GJB1: variants seen among roughly 807,000 people sequenced by gnomAD.
GJB1 encodes gap junction beta-1 protein.
In GJB1, 1 loss-of-function variant was observed where a neutral mutation model predicts 12.0. That is an observed-to-expected ratio of 0.08 (90% CI 0.03 to 0.40). The LOEUF (loss-of-function observed/expected upper bound fraction) is 0.40. GJB1 is among the 10% of genes least tolerant of loss of function. GJB1 has a pLI of 0.98. For missense variants in GJB1, 140 were observed against 250.3 expected, an observed-to-expected ratio of 0.56 and a Z score of 2.97; for synonymous variants, 114 against 102.8, an observed-to-expected ratio of 1.11 and a Z score of -0.66.
At chrX:71,223,626 G>A (rs2147944672) in intron 1 of GJB1, 66 bp from the exon 2 acceptor site, 6 of 1,073,386 alleles carry the variant, frequency 5.6e-6, no homozygotes, top group Non-Finnish European at 6.4e-6. Flanking sequence ...TGCGCAGGCA[G>A]TGCTATGGCG....
intron 1 of GJB1, among the ~76,000 whole-genome samples, chrX:71,216,639 C>T (rs1332978925): frequency 9.1e-6 from 1 of 109,997 alleles, no homozygotes; most frequent in Non-Finnish European, 1.9e-5. Context: ...GGGAAGGGAG[C>T]TGGCATAAGC....
rs780427727 is a variant in GJB1 at position 71,224,530 on chromosome X, G to C, written c.823G>C (p.Glu275Gln). ...RSPGTGAGLA[E>Q]KSDRCSAC ...CCCTGGCACCGGGGCTGGGCTGGCTGAAAAGAGCGACCGCTGCTCGGCCTG... is the reference window on the plus strand; with the variant it reads ...CCCTGGCACCGGGGCTGGGCTGGCTCAAAAGAGCGACCGCTGCTCGGCCTG... Residue 275 changes from glutamate to glutamine, a missense_variant, in exon 2 of 2, where the codon GAA becomes CAA. Coordinates refer to ENST00000361726, the MANE Select transcript of GJB1 (RefSeq NM_000166.6). 2.5e-6 allele frequency: 3 copies of C among 1,192,082 alleles called. No individual in the cohort carries two copies. Among genetic ancestry groups the C allele is most frequent in the South Asian group, 3.7e-5 (2 of 54,491 alleles).
chrX:71,223,402 G>A (rs2092541284), intron 1 of GJB1, 67 bp downstream of exon 1: 1 of 388,654 alleles, frequency 2.6e-6, no homozygotes, highest in African/African-American at 2.6e-5. Context: ...GGAGCCATAG[G>A]GGATGGCTGA....
At chrX:71,220,511 TGTTC>T (rs767963698), upstream of GJB1, among the ~76,000 whole-genome samples, 2 of 96,841 alleles carry the variant, frequency 2.1e-5, no homozygotes, top group East Asian at 6.9e-4. Context: ...TTTGTTTGTT[TGTTC>T]GTCTTTTCCG....
Position 71,224,750 on chromosome X carries a change from C to A in GJB1, c.*191C>A. 1 of 475,261 alleles carries A rather than the reference C, an allele frequency of 2.1e-6. No individual in the cohort carries two copies. The highest frequency in any genetic ancestry group is 3.8e-6 in the Non-Finnish European group (1 of 265,983). 39.2% of individuals were successfully genotyped at this position (475,261 alleles called of 1,213,427 possible). A position where few individuals can be genotyped will look rare whatever the true frequency, so the allele number is the denominator to read the frequency against. ...GGAGGGGTGGGGAGCTAGAGGCCACCTATGCCAGTGCTCAAGGTTACTGGG... is the reference window on the plus strand; with the variant it reads ...GGAGGGGTGGGGAGCTAGAGGCCACATATGCCAGTGCTCAAGGTTACTGGG... On this transcript the variant is annotated 3_prime_UTR_variant, in exon 2 of 2. Transcript: ENST00000361726.
At chrX:71,218,779 A>C (rs41413544), upstream of GJB1, among the ~76,000 whole-genome samples, 1 of 101,335 alleles carries the variant, frequency 9.9e-6, no homozygotes, top group African/African-American at 3.7e-5. Flanking sequence ...CCAGCTACTC[A>C]AGAGTCTGAG....
rs1299325261 is a variant in GJB1 at position 71,223,975 on chromosome X, C to T, written c.268C>T (p.Leu90Phe). The change falls in exon 2 of 2, where the codon CTC becomes TTC. Residue 90 changes from leucine (L) to phenylalanine (F), a missense_variant. This residue lies in a region of GJB1 where 49 missense variants were observed against 104.5 expected (regional missense o/e 0.47). Coordinates refer to ENST00000361726, the MANE Select transcript of GJB1 (RefSeq NM_000166.6). ...QLILVSTPAL[L>F]VAMHVAHQQH... is the part of the protein sequence containing the mutation. Reference sequence around the variant, plus strand: ...CATCCTAGTTTCCACCCCAGCTCTCCTCGTGGCCATGCACGTGGCTCACCA... The same window carrying T: ...CATCCTAGTTTCCACCCCAGCTCTCTTCGTGGCCATGCACGTGGCTCACCA... 3 of 1,201,357 alleles carry T rather than the reference C, an allele frequency of 2.5e-6. No homozygotes were observed. The highest frequency in any genetic ancestry group is 3.5e-5 in the African/African-American group (2 of 56,983).
upstream of GJB1, among the ~76,000 whole-genome samples, chrX:71,220,890 C>CTTTTTTTTTTTTTTT (rs869189116): frequency 2.0e-4 from 7 of 34,502 alleles, no homozygotes; most frequent in African/African-American, 4.9e-4. Flanking sequence ...TGTTTCTTTC[C>CTTTTTTTTTTTTTTT]TTTTTTTTTT....
Position 71,224,229 on chromosome X carries a change from C to T in GJB1, c.522C>T (p.Pro174=), listed in dbSNP as rs1271866184. 2.5e-6 allele frequency: 3 copies of T among 1,204,470 alleles called. No individual in the cohort carries two copies. Among genetic ancestry groups the T allele is most frequent in the Non-Finnish European group, 1.1e-6 (1 of 894,080 alleles). The change falls in exon 2 of 2, where the codon CCC becomes CCT. Residue 174 remains proline (P), a synonymous_variant. Coordinates refer to ENST00000361726, the MANE Select transcript of GJB1 (RefSeq NM_000166.6). ...TCAAGTGCGACGTCTACCCCTGCCC[C>T]AACACAGTGGACTGCTTCGTGTCCC... is the stretch of plus-strand genomic sequence containing the variant. ...RLVKCDVYPC[P]NTVDCFVSRP...
At chrX:71,222,152 T>TA (rs980722890), upstream of GJB1, among the ~76,000 whole-genome samples, 2 of 110,113 alleles carry the variant, frequency 1.8e-5, no homozygotes, top group Non-Finnish European at 3.8e-5. Flanking sequence ...CACCCTCTAA[T>TA]AAAAAACAAC....
At chrX:71,220,816 T>A (rs1399566900), upstream of GJB1, among the ~76,000 whole-genome samples, 1 of 107,452 alleles carries the variant, frequency 9.3e-6, no homozygotes, top group Non-Finnish European at 1.9e-5. Flanking sequence ...TTCTTAATAA[T>A]TCTCTGGCCA....
At chrX:71,217,156 G>T (rs891397383) in intron 1 of GJB1, among the ~76,000 whole-genome samples, 1 of 109,622 alleles carries the variant, frequency 9.1e-6, no homozygotes, top group East Asian at 2.9e-4. Context: ...GCCAGCACAC[G>T]CAGGAAAGTG....
chrX:71,218,758 C>A (rs41318647), upstream of GJB1, among the ~76,000 whole-genome samples: 1 of 106,783 alleles, frequency 9.4e-6, no homozygotes, highest in Non-Finnish European at 1.9e-5. Context: ...GTTGCGGGGG[C>A]GCCTGTAGTC....
chrX:71,220,142 C>CTTTTT (rs41353351), upstream of GJB1, among the ~76,000 whole-genome samples: 42 of 52,803 alleles, frequency 8.0e-4, 3 homozygotes, highest in African/African-American at 6.1e-3. Flanking sequence ...TGTGCCTGGC[C>CTTTTT]TTTTTTTTTT....
rs779327968 is a variant in GJB1 at position 71,224,550 on chromosome X, G to A, written c.843G>A (p.Ser281=). The change falls in exon 2 of 2, where the codon TCG becomes TCA. Residue 281 remains serine (S), a synonymous_variant. Coordinates refer to ENST00000361726, the MANE Select transcript of GJB1 (RefSeq NM_000166.6). ...AGLAEKSDRC[S]AC ...TGGCTGAAAAGAGCGACCGCTGCTC[G>A]GCCTGCTGATGCCACATACCAGGCA... The A allele has an allele frequency of 3.2e-5, 38 of 1,182,828 alleles. No homozygotes were observed. The highest frequency in any genetic ancestry group is 2.3e-4 in the Middle Eastern group (1 of 4,305).
chrX:71,219,624 A>T (rs1406687992), upstream of GJB1, among the ~76,000 whole-genome samples: 1 of 102,527 alleles, frequency 9.8e-6, no homozygotes, highest in East Asian at 3.2e-4. Context: ...ACAAAAAAAA[A>T]TTAGCCAGGC....
upstream of GJB1, among the ~76,000 whole-genome samples, chrX:71,219,773 C>CAAA (rs41477550): frequency 0.018 from 393 of 21,935 alleles, 34 homozygotes; most frequent in African/African-American, 0.063. Context: ...GACTCCCTCT[C>CAAA]AAAAAAAAAA....
At chrX:71,221,120 T>C (rs2092537118), upstream of GJB1, among the ~76,000 whole-genome samples, 1 of 107,766 alleles carries the variant, frequency 9.3e-6, no homozygotes, top group African/African-American at 3.4e-5. Context: ...TCTGCTGACC[T>C]CGTGATCCGC....
chrX:71,216,752 G>A (rs1193093324), intron 1 of GJB1, among the ~76,000 whole-genome samples: 2 of 111,567 alleles, frequency 1.8e-5, no homozygotes, highest in African/African-American at 3.3e-5. Flanking sequence ...GTATGGCAGG[G>A]TGGAGAGGCT....
Sources: gnomAD v4.1 joint callset for allele counts (sites outside exome capture counted in the v4.1 genomes callset) on GRCh38, gnomAD v4.1.1 for gene constraint, gnomAD v4.1.1 regional missense constraint, MANE v1.5 for transcripts, NCBI Gene and HGNC (gene_info 2026-07-23, HGNC 2026-07-21) for gene names.